TRPS1: variants seen among roughly 807,000 people sequenced by gnomAD.
TRPS1 encodes transcriptional repressor GATA binding 1.
A neutral mutation model predicts 101.2 loss-of-function variants in TRPS1; 6 were observed. The observed-to-expected ratio is 0.06, with a 90% CI of 0.03 to 0.12. TRPS1 has a LOEUF of 0.12. TRPS1 is among the 10% of genes least tolerant of loss of function. The pLI is 1.00. For synonymous variants in TRPS1, 578 were observed against 589.8 expected (o/e 0.98, Z 0.29); for missense variants, 1,363 against 1,567.0 (o/e 0.87, Z 2.20).
chr8:115,643,934 C>T (rs917625921), intron 1 of TRPS1, among the ~76,000 whole-genome samples: 13 of 152,190 alleles, frequency 8.5e-5, no homozygotes, highest in Non-Finnish European at 1.6e-4. Context: ...CTTTGTACAT[C>T]TCCATCAGAG....
intron 5 of TRPS1, among the ~76,000 whole-genome samples, chr8:115,454,865 AT>A (rs1813976923): frequency 6.6e-6 from 1 of 151,950 alleles, no homozygotes; most frequent in African/African-American, 2.4e-5. Context: ...CATTCCTCAA[AT>A]TTTTCATAGT....
chr8:115,427,838 A>AG (rs1359713406), intron 5 of TRPS1, among the ~76,000 whole-genome samples: 1 of 22,496 alleles, frequency 4.4e-5, no homozygotes, highest in East Asian at 1.2e-3. Context: ...TGGCTGATGG[A>AG]GGGGGCAGTG....
chr8:115,571,577 T>A (rs1817204246), intron 5 of TRPS1, among the ~76,000 whole-genome samples: 1 of 152,122 alleles, frequency 6.6e-6, no homozygotes, highest in African/African-American at 2.4e-5. Context: ...TAAAATGACT[T>A]AATGTGATAC....
chr8:115,559,423 T>TA (rs1816897700), intron 5 of TRPS1, among the ~76,000 whole-genome samples: 1 of 152,112 alleles, frequency 6.6e-6, no homozygotes, highest in East Asian at 1.9e-4. Context: ...TAATAAGAAG[T>TA]AAGTAGGTGT....
rs1365370236 is a variant in TRPS1, at chr8:115,414,648, G to T, written c.3260C>A (p.Pro1087His). 6.2e-7 allele frequency: 1 copy of T among 1,614,056 alleles called. No individual in the cohort carries two copies. The highest frequency in any genetic ancestry group is 2.2e-5 in the East Asian group (1 of 44,870). The change falls in exon 7 of 7, where the codon CCT becomes CAT. Residue 1087 changes from proline to histidine, a missense_variant. Physicochemically the swap from Pro to His is moderately conservative, Grantham distance 77. This residue lies in a region of TRPS1 where 307 missense variants were observed against 392.4 expected (regional missense o/e 0.78). Transcript: ENST00000395715. The surrounding 1 kb of genome is among the most constrained non-coding windows in gnomAD (Gnocchi z 4.8). ...RGSPIEKYMR[P>H]AKHPNYSPPG... ...TGGTGAATAATTTGGGTGTTTCGCA[G>T]GTCTCATGTACTTTTCTATAGGACT...
intron 5 of TRPS1, among the ~76,000 whole-genome samples, chr8:115,504,279 A>G (rs1815387953): frequency 1.3e-5 from 2 of 152,204 alleles, no homozygotes; most frequent in Admixed American, 1.3e-4. Flanking sequence ...CAATGAGTCC[A>G]GAAACTCTAG....
intron 5 of TRPS1, among the ~76,000 whole-genome samples, chr8:115,579,061 A>G (rs11785504): frequency 0.69 from 104,923 of 151,756 alleles, 37,690 homozygotes; most frequent in African/African-American, 0.89. Flanking sequence ...TTAATATCCA[A>G]GCCTCAGTTT....
chr8:115,570,062 C>T (rs1817164645), intron 5 of TRPS1, among the ~76,000 whole-genome samples: 1 of 152,114 alleles, frequency 6.6e-6, no homozygotes. Flanking sequence ...AAAGAAATCT[C>T]TGTTTCACCA....
chr8:115,448,608 A>G (rs900020468), intron 5 of TRPS1, among the ~76,000 whole-genome samples: 1 of 152,214 alleles, frequency 6.6e-6, no homozygotes, highest in Admixed American at 6.5e-5. Context: ...TCCGAGATAG[A>G]CAATGCACTT....
rs1354060290 is a variant in TRPS1, at chr8:115,412,438, A to G, written c.*1585T>C. On this transcript the variant is annotated 3_prime_UTR_variant, in exon 7 of 7. Coordinates refer to ENST00000395715, the MANE Select transcript of TRPS1 (RefSeq NM_014112.5). ...GCAGAGCCAGAACTGACTCTAATGCATGATGGAATATCTTTGTTGCATACG... is the reference window on the plus strand; with the variant it reads ...GCAGAGCCAGAACTGACTCTAATGCGTGATGGAATATCTTTGTTGCATACG... 2.6e-5 allele frequency: 4 copies of G among 152,590 alleles called. No individual in the cohort carries two copies. Among genetic ancestry groups the G allele is most frequent in the East Asian group, 3.8e-4 (2 of 5,196 alleles). The allele number at this position is 152,590 out of a possible 1,614,324, so 9.5% of individuals were successfully genotyped here. A position where few individuals can be genotyped will look rare whatever the true frequency, so the allele number is the denominator to read the frequency against.
In TRPS1 at chr8:115,427,824, C is replaced by A. The variant is rs1045209324; in HGVS notation, c.2701-9372G>T. The stretch of plus-strand genomic sequence containing the variant: ...CACAGTCATAGCCAGAGGAACAGAG[C>A]ACTTGGCTGATGGAGGGGGCAGTGC... On this transcript the variant is annotated intron_variant, in intron 5 of 6. Transcript: ENST00000395715. 2.2e-4 allele frequency among the ~76,000 whole-genome samples: 25 copies of A among 113,378 alleles called. No individual in the cohort carries two copies. The Admixed American group carries it at 2.3e-3, about 10-fold the overall frequency. 74.4% of individuals were successfully genotyped at this position (113,378 alleles called of 152,430 possible). A position where few individuals can be genotyped will look rare whatever the true frequency, so the allele number is the denominator to read the frequency against.
chr8:115,612,099 TG>T (rs1437489044), intron 3 of TRPS1, among the ~76,000 whole-genome samples: 9 of 108,634 alleles, frequency 8.3e-5, no homozygotes, highest in Admixed American at 5.9e-4. Context: ...GGAAGGAGGA[TG>T]AAAAAAAGAG....
chr8:115,541,491 A>G (rs1353009654), intron 5 of TRPS1, among the ~76,000 whole-genome samples: 2 of 152,224 alleles, frequency 1.3e-5, no homozygotes, highest in Non-Finnish European at 2.9e-5. Flanking sequence ...CTCTTTGTAG[A>G]CATACTTCCA....
chr8:115,621,635 C>G (rs1818394057), intron 2 of TRPS1, among the ~76,000 whole-genome samples: 1 of 152,156 alleles, frequency 6.6e-6, no homozygotes, highest in East Asian at 1.9e-4. Context: ...GTACACTGGG[C>G]CAAGCACAGG....
At chr8:115,614,948 T>A (rs2721933) in intron 3 of TRPS1, among the ~76,000 whole-genome samples, 1 of 151,950 alleles carries the variant, frequency 6.6e-6, no homozygotes, top group South Asian at 2.1e-4. Context: ...TACAATTAAA[T>A]CTGTTGAAAA....
At chr8:115,667,164 C>G (rs1294902504) in intron 1 of TRPS1, among the ~76,000 whole-genome samples, 2 of 152,160 alleles carry the variant, frequency 1.3e-5, no homozygotes, top group African/African-American at 4.8e-5. Flanking sequence ...CCAAGATTCC[C>G]TCTGAAACCC....
intron 1 of TRPS1, among the ~76,000 whole-genome samples, chr8:115,636,090 G>A (rs1381688023): frequency 9.5e-6 from 1 of 105,814 alleles, no homozygotes; most frequent in Non-Finnish European, 1.7e-5. Flanking sequence ...AATGCCAATC[G>A]TCCTTTTTTT....
intron 5 of TRPS1, among the ~76,000 whole-genome samples, chr8:115,521,560 G>C (rs1387116144): frequency 4.0e-5 from 6 of 151,658 alleles, no homozygotes; most frequent in Non-Finnish European, 7.4e-5. Flanking sequence ...CTATATCCAC[G>C]ATGTGTTAAT....
chr8:115,476,006 T>C (rs933861170), intron 5 of TRPS1, among the ~76,000 whole-genome samples: 2 of 24,158 alleles, frequency 8.3e-5, no homozygotes, highest in Non-Finnish European at 6.9e-5. Flanking sequence ...ATATACTTTC[T>C]TTTTTTTTTT....
Sources: gnomAD v4.1 joint callset for allele counts (sites outside exome capture counted in the v4.1 genomes callset) on GRCh38, gnomAD v4.1.1 for gene constraint, gnomAD v4.1.1 regional missense constraint, Gnocchi (gnomAD v3.1) non-coding constraint, MANE v1.5 for transcripts, NCBI Gene and HGNC (gene_info 2026-07-23, HGNC 2026-07-21) for gene names.